Variants in REV1 observed in about 807,000 individuals in gnomAD.
The protein encoded by REV1 is translesion synthesis protein REV1.
Under a neutral mutation model 137.4 loss-of-function variants are expected in REV1, and 42 were observed. The observed-to-expected ratio is 0.31, with a 90% CI of 0.24 to 0.40. The LOEUF is 0.40. Ranked by LOEUF, REV1 falls within the 10% of genes least tolerant of loss-of-function variation. REV1 has a pLI of 1.00. For synonymous variants in REV1, 524 were observed against 519.2 expected, an observed-to-expected ratio of 1.01 and a Z score of -0.12; for missense variants, 1,282 against 1,490.1, an observed-to-expected ratio of 0.86 and a Z score of 2.30.
chr2:99,454,002 G>T (rs1439272482), intron 3 of REV1, among the ~76,000 whole-genome samples: 1 of 151,448 alleles, frequency 6.6e-6, no homozygotes, highest in African/African-American at 2.4e-5. Context: ...GTCAGAGTGA[G>T]TGCTTTTCTC....
chr2:99,418,432 C>T (rs1238803924), intron 12 of REV1, among the ~76,000 whole-genome samples: 2 of 152,142 alleles, frequency 1.3e-5, no homozygotes, highest in South Asian at 2.1e-4. Flanking sequence ...AGAAAACTGT[C>T]GCTAGTCCTG....
At chr2:99,444,772 CATT>C (rs778378077) in intron 4 of REV1, among the ~76,000 whole-genome samples, 14 of 152,152 alleles carry the variant, frequency 9.2e-5, no homozygotes, top group Non-Finnish European at 1.6e-4. Context: ...TAGACAGAAA[CATT>C]ATCTGAAAGC....
At chr2:99,424,792 C>A (rs1679120574) in intron 9 of REV1, 1 of 1,304,100 alleles carries the variant, frequency 7.7e-7, no homozygotes, top group Non-Finnish European at 1.0e-6. Context: ...CCCAATTGAC[C>A]AATTCCATGC....
chr2:99,406,744 A>G (rs900446553), intron 15 of REV1: 85 of 285,790 alleles, frequency 3.0e-4, no homozygotes, highest in Admixed American at 2.0e-3. Flanking sequence ...GATCTTTAAA[A>G]TCAGAAAATC....
intron 17 of REV1, among the ~76,000 whole-genome samples, chr2:99,404,942 C>T (rs2104372427): frequency 6.6e-6 from 1 of 152,220 alleles, no homozygotes; most frequent in South Asian, 2.1e-4. Context: ...CAGGTAAGTC[C>T]AAATATACTC....
At chr2:99,448,664 C>T (rs1196779028) in intron 4 of REV1, among the ~76,000 whole-genome samples, 1 of 152,160 alleles carries the variant, frequency 6.6e-6, no homozygotes, top group African/African-American at 2.4e-5. Context: ...TCTTTCTCTC[C>T]CAACAGAATA....
At chr2:99,406,221 A>G in intron 16 of REV1, 104 bp downstream of exon 16, 2 of 1,423,800 alleles carry the variant, frequency 1.4e-6, no homozygotes, top group Non-Finnish European at 9.4e-7. Context: ...TGAAGAATAT[A>G]AATTTTTAAA....
intron 1 of REV1, among the ~76,000 whole-genome samples, chr2:99,484,692 T>TAA (rs145830579): frequency 6.8e-6 from 1 of 146,036 alleles, no homozygotes; most frequent in African/African-American, 2.5e-5. Flanking sequence ...TAGTTAAATC[T>TAA]AAAAAAAAAA....
intron 10 of REV1, among the ~76,000 whole-genome samples, chr2:99,423,104 C>T (rs1347401968): frequency 6.6e-6 from 1 of 152,208 alleles, no homozygotes; most frequent in Non-Finnish European, 1.5e-5. Flanking sequence ...TCAGCACTCA[C>T]TCCTACATAA....
At chr2:99,467,466 T>C (rs1684933042) in intron 1 of REV1, among the ~76,000 whole-genome samples, 1 of 152,150 alleles carries the variant, frequency 6.6e-6, no homozygotes, top group Admixed American at 6.5e-5. Flanking sequence ...TAGCCAACAT[T>C]CCAAAGAGGA....
At chr2:99,476,689 T>C (rs1350651288) in intron 1 of REV1, among the ~76,000 whole-genome samples, 1 of 152,174 alleles carries the variant, frequency 6.6e-6, no homozygotes, top group Non-Finnish European at 1.5e-5. Flanking sequence ...ATCAACCTCC[T>C]GAAGGGCTGA....
intron 13 of REV1, among the ~76,000 whole-genome samples, chr2:99,412,104 G>A (rs1232017774): frequency 1.3e-5 from 2 of 151,498 alleles, no homozygotes; most frequent in African/African-American, 2.4e-5. Context: ...GTGGTGGCGG[G>A]TGCCTGTAAT....
At chr2:99,450,637 T>C (rs1682816331) in intron 3 of REV1, among the ~76,000 whole-genome samples, 1 of 152,216 alleles carries the variant, frequency 6.6e-6, no homozygotes, top group Admixed American at 6.5e-5. Context: ...CACTATTCAG[T>C]AGAAAATATT....
At chr2:99,486,267 C>T (rs552795356) in intron 1 of REV1, among the ~76,000 whole-genome samples, 25 of 152,252 alleles carry the variant, frequency 1.6e-4, no homozygotes, top group Non-Finnish European at 3.2e-4. Context: ...CAGTGGCTCA[C>T]GCCTGTAATC....
chr2:99,471,725 G>A (rs1031314633), intron 1 of REV1, among the ~76,000 whole-genome samples: 1 of 151,236 alleles, frequency 6.6e-6, no homozygotes, highest in East Asian at 1.9e-4. Context: ...AACACACAAC[G>A]CCACTAAGAA....
At chr2:99,440,220 C>T (rs28382877) in intron 5 of REV1, among the ~76,000 whole-genome samples, 1,672 of 152,238 alleles carry the variant, frequency 0.011, 9 homozygotes, top group Middle Eastern at 0.024. Flanking sequence ...AATGCATTCA[C>T]GAGAATCATC....
At chr2:99,439,637 T>C (rs1023965522) in intron 5 of REV1, among the ~76,000 whole-genome samples, 2 of 152,188 alleles carry the variant, frequency 1.3e-5, no homozygotes, top group African/African-American at 4.8e-5. Context: ...AATAGAACAT[T>C]TCTCATGGCT....
intron 4 of REV1, among the ~76,000 whole-genome samples, chr2:99,446,446 C>T (rs1216821178): frequency 6.6e-6 from 1 of 152,092 alleles, no homozygotes; most frequent in African/African-American, 2.4e-5. Context: ...GCGCATCTGG[C>T]AAAAAGAACA....
chr2:99,412,627 G>C, intron 13 of REV1, 104 bp downstream of exon 13: 1 of 869,700 alleles, frequency 1.1e-6, no homozygotes, highest in Non-Finnish European at 1.9e-6. Flanking sequence ...ACAGTTTTAA[G>C]ACTTAATTTC....
Sources: gnomAD v4.1 joint callset for allele counts (sites outside exome capture counted in the v4.1 genomes callset) on GRCh38, gnomAD v4.1.1 for gene constraint, MANE v1.5 for transcripts, NCBI Gene and HGNC (gene_info 2026-07-23, HGNC 2026-07-21) for gene names.